The following TMTC2 variants were observed in gnomAD, a reference collection of about 807,000 sequenced individuals.
TMTC2 encodes the protein transmembrane O-mannosyltransferase targeting cadherins 2.
A neutral mutation model predicts 82.4 loss-of-function variants in TMTC2; 43 were observed. The observed-to-expected ratio is 0.52, with a 90% CI of 0.41 to 0.67. The LOEUF (loss-of-function observed/expected upper bound fraction) is 0.67. TMTC2 is among the 30% of genes least tolerant of loss of function. The pLI is 0.00. For synonymous variants in TMTC2, 408 were observed against 381.9 expected (o/e 1.07, Z -0.80); for missense variants, 919 against 1,012.4 (o/e 0.91, Z 1.25).
chr12:82,763,196 A>G (rs1876745709), intron 1 of TMTC2, among the ~76,000 whole-genome samples: 1 of 152,158 alleles, frequency 6.6e-6, no homozygotes, highest in South Asian at 2.1e-4. Flanking sequence ...AGCTAGAAAA[A>G]AAAAACAAGA....
chr12:83,082,501 T>C (rs1883504499), intron 11 of TMTC2, among the ~76,000 whole-genome samples: 2 of 152,244 alleles, frequency 1.3e-5, no homozygotes, highest in East Asian at 3.8e-4. Context: ...CAGAGAGTTA[T>C]ACTATCCTTG....
intron 1 of TMTC2, among the ~76,000 whole-genome samples, chr12:82,749,100 C>T (rs1592897701): frequency 1.3e-5 from 2 of 152,370 alleles, no homozygotes; most frequent in East Asian, 3.9e-4. Flanking sequence ...TAGAATTCCC[C>T]AGTGAATCTT....
intron 8 of TMTC2, among the ~76,000 whole-genome samples, chr12:82,999,620 CAAAG>C (rs1488158827): frequency 2.3e-4 from 35 of 152,010 alleles, no homozygotes; most frequent in Admixed American, 1.6e-3. Context: ...TGTCAGCAGG[CAAAG>C]AGAGAGAGAG....
At chr12:82,882,839 C>CA (rs1372729144) in intron 2 of TMTC2, among the ~76,000 whole-genome samples, 2 of 151,936 alleles carry the variant, frequency 1.3e-5, no homozygotes, top group African/African-American at 4.8e-5. Context: ...AGGCAGATCA[C>CA]AAGGTCAGGA....
chr12:83,122,548 C>A (rs2137562980), intron 11 of TMTC2, among the ~76,000 whole-genome samples: 1 of 152,282 alleles, frequency 6.6e-6, no homozygotes, highest in Non-Finnish European at 1.5e-5. Context: ...ATTGACTCAG[C>A]TCCAGGCAAA....
At chr12:82,994,224 C>G (rs1436727499) in intron 8 of TMTC2, among the ~76,000 whole-genome samples, 3 of 152,136 alleles carry the variant, frequency 2.0e-5, no homozygotes, top group African/African-American at 4.8e-5. Flanking sequence ...GTGGCACGGT[C>G]TTGGCTCACT....
intron 4 of TMTC2, among the ~76,000 whole-genome samples, chr12:82,934,928 T>C (rs1374445734): frequency 6.6e-6 from 1 of 152,148 alleles, no homozygotes; most frequent in Non-Finnish European, 1.5e-5. Flanking sequence ...TGGCGTGAGA[T>C]GGTATCTCAT....
At chr12:82,804,818 A>T (rs1481148008) in intron 1 of TMTC2, among the ~76,000 whole-genome samples, 1 of 152,184 alleles carries the variant, frequency 6.6e-6, no homozygotes, top group African/African-American at 2.4e-5. Flanking sequence ...CCATTAGCAT[A>T]TAACAGGCAG....
chr12:82,845,083 G>A (rs999652611), intron 1 of TMTC2, among the ~76,000 whole-genome samples: 20 of 150,654 alleles, frequency 1.3e-4, no homozygotes, highest in African/African-American at 4.4e-4. Context: ...CAACAAATTA[G>A]CTGGGCGTAG....
At chr12:82,871,007 A>G (rs1262930347) in intron 2 of TMTC2, among the ~76,000 whole-genome samples, 1 of 152,194 alleles carries the variant, frequency 6.6e-6, no homozygotes, top group Non-Finnish European at 1.5e-5. Context: ...ATATTGTTCA[A>G]GAGGAAGAGA....
chr12:82,699,462 A>G (rs1419311433), intron 1 of TMTC2, among the ~76,000 whole-genome samples: 1 of 152,082 alleles, frequency 6.6e-6, no homozygotes, highest in African/African-American at 2.4e-5. Context: ...GGCAGAGCAT[A>G]TTGTTACTGG....
intron 4 of TMTC2, among the ~76,000 whole-genome samples, chr12:82,944,804 G>GTTATT (rs1425544753): frequency 1.1e-4 from 17 of 152,058 alleles, no homozygotes; most frequent in African/African-American, 4.1e-4. Context: ...ACTTAAACAT[G>GTTATT]TTATTCACTT....
chr12:82,994,195 C>T (rs909998689), intron 8 of TMTC2, among the ~76,000 whole-genome samples: 2 of 152,124 alleles, frequency 1.3e-5, no homozygotes, highest in Non-Finnish European at 2.9e-5. Context: ...CTCGCTGTAT[C>T]GCCCCAGGCT....
chr12:83,085,903 T>C (rs1255402734), intron 11 of TMTC2, among the ~76,000 whole-genome samples: 1 of 152,216 alleles, frequency 6.6e-6, no homozygotes, highest in Non-Finnish European at 1.5e-5. Flanking sequence ...ATCTATCTCC[T>C]GTCATGGACC....
intron 1 of TMTC2, among the ~76,000 whole-genome samples, chr12:82,801,035 G>A (rs928917136): frequency 6.6e-6 from 1 of 152,042 alleles, no homozygotes; most frequent in Admixed American, 6.5e-5. Context: ...TAAAAAGAAG[G>A]CAAGGGTTTT....
At chr12:82,713,815 G>A (rs1260179359) in intron 1 of TMTC2, among the ~76,000 whole-genome samples, 1 of 152,204 alleles carries the variant, frequency 6.6e-6, no homozygotes, top group Non-Finnish European at 1.5e-5. Flanking sequence ...AGTTTTGAGA[G>A]GATGGATATA....
At chr12:82,721,695 A>T (rs1263551654) in intron 1 of TMTC2, among the ~76,000 whole-genome samples, 2 of 152,228 alleles carry the variant, frequency 1.3e-5, no homozygotes, top group Non-Finnish European at 2.9e-5. Flanking sequence ...AAAAATAGAG[A>T]TTAAAATATG....
At chr12:82,743,143 A>C (rs887811806) in intron 1 of TMTC2, among the ~76,000 whole-genome samples, 1 of 152,166 alleles carries the variant, frequency 6.6e-6, no homozygotes. Flanking sequence ...ATGAAGATTT[A>C]AATGAAAAAG....
intron 3 of TMTC2, among the ~76,000 whole-genome samples, chr12:82,918,820 C>T (rs1023101873): frequency 6.6e-6 from 1 of 151,512 alleles, no homozygotes; most frequent in Non-Finnish European, 1.5e-5. Flanking sequence ...TGCAGTGGTG[C>T]GATCTCGGCT....
Sources: allele counts gnomAD v4.1 joint callset (sites outside exome capture counted in the v4.1 genomes callset), GRCh38; gene constraint gnomAD v4.1.1; transcripts MANE v1.5; gene names NCBI Gene and HGNC (gene_info 2026-07-23, HGNC 2026-07-21).